Variants in RGS10 observed in about 807,000 individuals in gnomAD.
RGS10 encodes regulator of G protein signaling 10, also known as regulator of G-protein signalling 10.
A neutral mutation model predicts 23.5 loss-of-function variants in RGS10; 11 were observed. The observed-to-expected ratio is 0.47, with a 90% CI of 0.29 to 0.77. The LOEUF is 0.77. RGS10 is among the 30% of genes least tolerant of loss of function. The probability of loss-of-function intolerance (pLI) is 0.08; values close to 1 mark genes in which losing one functional copy is unlikely to be tolerated. For missense variants in RGS10, 180 were observed against 226.3 expected, an observed-to-expected ratio of 0.80 and a Z score of 1.31; for synonymous variants, 77 against 83.2, an observed-to-expected ratio of 0.92 and a Z score of 0.41.
intron 4 of RGS10, among the ~76,000 whole-genome samples, chr10:119,514,124 C>A (rs2991784): frequency 6.6e-6 from 1 of 152,194 alleles, no homozygotes; most frequent in Non-Finnish European, 1.5e-5. Flanking sequence ...GGGAGGCCGA[C>A]GCGGGCGGAT....
rs921954980 is a variant in RGS10 at position 119,527,197 on chromosome 10, G to C, written c.168+109C>G. The C allele has an allele frequency of 1.4e-6, 1 of 729,546 alleles. No homozygotes were observed. The highest frequency in any genetic ancestry group is 2.4e-6 in the Non-Finnish European group (1 of 425,174). 45.2% of individuals were successfully genotyped at this position (729,546 alleles called of 1,614,324 possible). A position where few individuals can be genotyped will look rare whatever the true frequency, so the allele number is the denominator to read the frequency against. ...AGTACTGAACTCTCAAGCTGGCATA[G>C]AGAGTGCTACGCTGACAGACAATGT... On this transcript the variant is annotated intron_variant, in intron 2 of 4. Coordinates refer to ENST00000369103, the MANE Select transcript of RGS10 (RefSeq NM_001005339.2). The surrounding 1 kb of genome is among the most constrained non-coding windows in gnomAD (Gnocchi z 4.2).
intron 4 of RGS10, among the ~76,000 whole-genome samples, chr10:119,508,886 CAGG>C (rs1844046346): frequency 1.3e-5 from 2 of 152,140 alleles, no homozygotes; most frequent in Admixed American, 6.6e-5. Context: ...TGCTTGAGCC[CAGG>C]AGTTCAAGAC....
intron 3 of RGS10, among the ~76,000 whole-genome samples, chr10:119,521,610 A>AAAGGAAGGAAGGAAAGAAAGG (rs1844216587): frequency 4.9e-5 from 5 of 102,210 alleles, no homozygotes; most frequent in African/African-American, 1.7e-4. Context: ...GGAAAGAAAG[A>AAAGGAAGGAAGGAAAGAAAGG]AAGGAAGGAA....
intron 1 of RGS10, among the ~76,000 whole-genome samples, chr10:119,539,088 G>A (rs1844414238): frequency 6.6e-6 from 1 of 152,192 alleles, no homozygotes; most frequent in African/African-American, 2.4e-5. Context: ...GCACTAGGTG[G>A]TGCCCAGAGC....
At chr10:119,542,550 C>G in intron 1 of RGS10, 40 bp downstream of exon 1, 1 of 1,368,106 alleles carries the variant, frequency 7.3e-7, no homozygotes, top group Non-Finnish European at 9.4e-7. Context: ...GGCGAAACGG[C>G]GCCCCGACCC....
intron 4 of RGS10, among the ~76,000 whole-genome samples, chr10:119,505,007 T>C (rs939348200): frequency 6.6e-6 from 1 of 152,172 alleles, no homozygotes; most frequent in African/African-American, 2.4e-5. Flanking sequence ...GTTGGCTTGT[T>C]GATTTCACCT....
At chr10:119,521,627 A>AAAGAAAGGAAGGAAGGAAAGAAAGGAAGG (rs1554858033) in intron 3 of RGS10, among the ~76,000 whole-genome samples, 6 of 119,854 alleles carry the variant, frequency 5.0e-5, no homozygotes, top group African/African-American at 2.0e-4. Flanking sequence ...GGAAGGAAAG[A>AAAGAAAGGAAGGAAGGAAAGAAAGGAAGG]AAGGAAGGAA....
chr10:119,526,417 T>C (rs1334459730), intron 2 of RGS10, among the ~76,000 whole-genome samples: 2 of 152,254 alleles, frequency 1.3e-5, no homozygotes, highest in South Asian at 2.1e-4. Context: ...GTGGAAGATA[T>C]ATTGGTTCCT....
intron 4 of RGS10, among the ~76,000 whole-genome samples, chr10:119,506,326 C>T (rs543401082): frequency 2.0e-5 from 3 of 152,332 alleles, no homozygotes; most frequent in Admixed American, 6.5e-5. Context: ...TGCCCCAGAG[C>T]GCCAGGACGG....
intron 4 of RGS10, among the ~76,000 whole-genome samples, chr10:119,505,971 TG>T (rs1408664150): frequency 5.9e-5 from 9 of 152,214 alleles, no homozygotes; most frequent in African/African-American, 2.2e-4. Context: ...TTTAAGAACT[TG>T]GTTTCGCTTG....
intron 4 of RGS10, among the ~76,000 whole-genome samples, chr10:119,514,008 T>A (rs918761259): frequency 2.0e-5 from 3 of 152,190 alleles, no homozygotes; most frequent in Admixed American, 6.5e-5. Context: ...TCATTGGAGA[T>A]AAAATGAGAC....
chr10:119,532,691 A>G (rs1196689467), intron 1 of RGS10, among the ~76,000 whole-genome samples: 1 of 152,010 alleles, frequency 6.6e-6, no homozygotes, highest in African/African-American at 2.4e-5. Context: ...GATACAAACA[A>G]TTAGCCTGGA....
chr10:119,541,083 C>G (rs1844430946), intron 1 of RGS10, among the ~76,000 whole-genome samples: 1 of 152,206 alleles, frequency 6.6e-6, no homozygotes, highest in South Asian at 2.1e-4. Flanking sequence ...CTGGCTCTTG[C>G]AAGCCAGTTT....
Position 119,527,312 on chromosome 10 carries a change from T to G in RGS10, c.162A>C (p.Arg54Ser). The change falls in exon 2 of 5, where the codon AGA (arginine) becomes AGC (serine). Residue 54 changes from arginine (R) to serine (S), a missense_variant. Physicochemically the swap from Arg to Ser is moderately radical, Grantham distance 110. Coordinates refer to ENST00000369103, the MANE Select transcript of RGS10 (RefSeq NM_001005339.2). The surrounding 1 kb of genome is among the most constrained non-coding windows in gnomAD (Gnocchi z 4.2). The part of the protein sequence containing the change: ...NLLEDPEGVK[R>S]FREFLKKEFS... The stretch of plus-strand genomic sequence containing the variant: ...AACAATGAAAAAGACAAACCCTAAA[T>G]CTTTTCACGCCTTCTGGGTCTTCCA... 1 of 1,612,420 alleles carries G rather than the reference T, an allele frequency of 6.2e-7. No homozygotes were observed. The highest frequency in any genetic ancestry group is 8.5e-7 in the Non-Finnish European group (1 of 1,178,508).
At chr10:119,525,591 T>G (rs528757584) in intron 3 of RGS10, among the ~76,000 whole-genome samples, 2 of 152,350 alleles carry the variant, frequency 1.3e-5, no homozygotes, top group African/African-American at 4.8e-5. Flanking sequence ...AGGCTTTCTC[T>G]GCAGGATGCT....
intron 4 of RGS10, among the ~76,000 whole-genome samples, chr10:119,505,193 T>G (rs531317258): frequency 6.6e-6 from 1 of 151,952 alleles, no homozygotes; most frequent in Non-Finnish European, 1.5e-5. Context: ...AAAATGGAGC[T>G]ATCTGGGCTA....
At chr10:119,526,807 C>T (rs1004559533) in intron 2 of RGS10, among the ~76,000 whole-genome samples, 2 of 152,118 alleles carry the variant, frequency 1.3e-5, no homozygotes, top group African/African-American at 4.8e-5. Context: ...GGTCCTCCAT[C>T]TGGCACCGGG....
chr10:119,526,676 A>G lies in RGS10; in HGVS notation c.169-558T>C, dbSNP rs1230879240. Among the ~76,000 whole-genome samples, 3 of 152,308 alleles carry G rather than the reference A, an allele frequency of 2.0e-5. No individual in the cohort carries two copies. In the East Asian group the frequency reaches 5.8e-4, roughly 29 times the overall value. ...GGCGACCAGGAACTAGAAGCCTAGT[A>G]CCACCTGCCACTCCCTCCCTGGGAG... On this transcript the variant is annotated intron_variant, in intron 2 of 4. Transcript: ENST00000369103.
intron 1 of RGS10, among the ~76,000 whole-genome samples, chr10:119,532,400 T>G (rs936800579): frequency 2.6e-5 from 4 of 152,128 alleles, no homozygotes; most frequent in Non-Finnish European, 5.9e-5. Context: ...CACTAAGTAA[T>G]GAATTCCTAA....
Sources: gnomAD v4.1 joint callset for allele counts (sites outside exome capture counted in the v4.1 genomes callset) on GRCh38, gnomAD v4.1.1 for gene constraint, Gnocchi (gnomAD v3.1) non-coding constraint, MANE v1.5 for transcripts, NCBI Gene and HGNC (gene_info 2026-07-23, HGNC 2026-07-21) for gene names.